Variants in QSOX1 observed in about 807,000 individuals in gnomAD.
The protein encoded by QSOX1 is sulfhydryl oxidase 1.
Under a neutral mutation model 76.1 loss-of-function variants are expected in QSOX1, and 40 were observed. The observed-to-expected ratio is 0.53, with a 90% CI of 0.41 to 0.68. QSOX1 has a LOEUF of 0.68. Ranked by LOEUF, QSOX1 falls within the 30% of genes least tolerant of loss-of-function variation. The pLI, the probability that QSOX1 is intolerant of heterozygous loss-of-function variation, is 0.00. For synonymous variants in QSOX1, 392 were observed against 413.1 expected (o/e 0.95, Z 0.62); for missense variants, 931 against 974.3 (o/e 0.96, Z 0.59).
Position 180,189,089 on chromosome 1 carries a change from C to T in QSOX1, c.1018-463C>T, listed in dbSNP as rs540049113. Reference sequence around the variant, plus strand: ...CCCATGGAATCCAAATGAAAGGTCTCGTGCCCACCTAACCCAGCTGGCCAG... The same window carrying T: ...CCCATGGAATCCAAATGAAAGGTCTTGTGCCCACCTAACCCAGCTGGCCAG... On this transcript the variant is annotated intron_variant, in intron 8 of 11. Coordinates refer to ENST00000367602, the MANE Select transcript of QSOX1 (RefSeq NM_002826.5). Among the ~76,000 whole-genome samples, 83 of 152,334 alleles carry T rather than the reference C, an allele frequency of 5.4e-4. 1 individual carries two copies. The South Asian group carries it at 0.014, about 26-fold the overall frequency.
chr1:180,174,884 G>C (rs887469220), intron 2 of QSOX1, among the ~76,000 whole-genome samples: 1 of 151,950 alleles, frequency 6.6e-6, no homozygotes, highest in African/African-American at 2.4e-5. Context: ...AACAGGCTCG[G>C]CCAGGCGCCT....
At position 180,175,934 on chromosome 1, in the gene QSOX1, C is replaced by G; in HGVS notation, c.416C>G (p.Ala139Gly). The G allele has an allele frequency of 6.3e-7, 1 of 1,590,090 alleles. No homozygotes were observed. Among genetic ancestry groups the G allele is most frequent in the South Asian group, 1.1e-5 (1 of 87,392 alleles). Residue 139 changes from alanine to glycine, a missense_variant, in exon 4 of 12, where the codon GCT (alanine) becomes GGT (glycine). By Grantham distance (60) the Ala-to-Gly change is moderately conservative. Coordinates refer to ENST00000367602, the MANE Select transcript of QSOX1 (RefSeq NM_002826.5). The stretch of plus-strand genomic sequence containing the variant: ...TCACGCCTGTTTTCATTTACAGTGG[C>G]TGGTGCTGACGTGCAGACACTGCGG... ...KNGSGAVFPV[A>G]GADVQTLRER...
At position 180,154,882 on chromosome 1, in the gene QSOX1, G is replaced by A. The variant is rs1572034248; in HGVS notation, c.-26G>A. 7.2e-7 allele frequency: 1 copy of A among 1,388,648 alleles called. No homozygotes were observed. Among genetic ancestry groups the A allele is most frequent in the Non-Finnish European group, 9.3e-7 (1 of 1,078,432 alleles). The allele number at this position is 1,388,648 out of a possible 1,614,324, so 86.0% of individuals were successfully genotyped here. A position where few individuals can be genotyped will look rare whatever the true frequency, so the allele number is the denominator to read the frequency against. On this transcript the variant is annotated 5_prime_UTR_variant, in exon 1 of 12. The change creates a new upstream start codon in the 5' untranslated region. Transcript: ENST00000367602. ...GGGACCCGACTCATCCGGTGCTTGCGTGTGGTGGTGAGCGCAGCGCCGAGG... is the reference window on the plus strand; with the variant it reads ...GGGACCCGACTCATCCGGTGCTTGCATGTGGTGGTGAGCGCAGCGCCGAGG...
intron 10 of QSOX1, among the ~76,000 whole-genome samples, chr1:180,191,583 G>GC (rs1401136234): frequency 6.6e-6 from 1 of 152,270 alleles, no homozygotes; most frequent in Non-Finnish European, 1.5e-5. Context: ...ACAGGTCCCT[G>GC]CCCCCACAGG....
chr1:180,193,544 C>A (rs1663377447), intron 10 of QSOX1, among the ~76,000 whole-genome samples: 1 of 151,972 alleles, frequency 6.6e-6, no homozygotes, highest in African/African-American at 2.4e-5. Flanking sequence ...GAGGCAAGCA[C>A]CAGCAGCCCT....
At chr1:180,175,547 G>A (rs1662868358) in intron 3 of QSOX1, among the ~76,000 whole-genome samples, 181 bp downstream of exon 3, 1 of 152,216 alleles carries the variant, frequency 6.6e-6, no homozygotes, top group Admixed American at 6.5e-5. Context: ...TTTAGGGAAA[G>A]GCAGGATGAA....
chr1:180,178,760 T>A, intron 4 of QSOX1, 34 bp from the exon 5 acceptor site: 1 of 1,586,030 alleles, frequency 6.3e-7, no homozygotes, highest in Non-Finnish European at 8.7e-7. Context: ...TTCTGCTGGC[T>A]GTGCAGAGTG....
chr1:180,167,974 A>T (rs1374568638), intron 2 of QSOX1, among the ~76,000 whole-genome samples: 1 of 152,168 alleles, frequency 6.6e-6, no homozygotes, highest in Non-Finnish European at 1.5e-5. Context: ...TCACAGGCTG[A>T]TATTTTTCTC....
chr1:180,176,553 G>T lies in QSOX1; in HGVS notation c.515+520G>T, dbSNP rs369491413. 1.4e-4 allele frequency among the ~76,000 whole-genome samples: 21 copies of T among 152,328 alleles called. No individual in the cohort carries two copies. The East Asian group carries it at 3.7e-3, about 27-fold the overall frequency. On this transcript the variant is annotated intron_variant, in intron 4 of 11. Coordinates refer to ENST00000367602, the MANE Select transcript of QSOX1 (RefSeq NM_002826.5). ...GGCTCTCTGTATGGCAGAGCATCAG[G>T]TGCAGTGGCCGGTGCTCTGTATCTG...
chr1:180,200,984 C>T lies in QSOX1; in HGVS notation c.*3947C>T, dbSNP rs943184914. 1 of 151,998 alleles carries T rather than the reference C, an allele frequency of 6.6e-6. No individual in the cohort carries two copies. The highest frequency in any genetic ancestry group is 1.5e-5 in the Non-Finnish European group (1 of 68,030). The allele number at this position is 151,998 out of a possible 1,614,324, so 9.4% of individuals were successfully genotyped here. On this transcript the variant is annotated 3_prime_UTR_variant, in exon 12 of 12. Transcript: ENST00000367602. Reference sequence around the variant, plus strand: ...AGGAATCCGCCTTTTCTAGAGCTCTCGCTCCATTCCCTACATCGAGGCTGA... The same window carrying T: ...AGGAATCCGCCTTTTCTAGAGCTCTTGCTCCATTCCCTACATCGAGGCTGA...
chr1:180,191,353 G>A (rs1318615116), intron 10 of QSOX1, among the ~76,000 whole-genome samples: 2 of 152,230 alleles, frequency 1.3e-5, no homozygotes, highest in African/African-American at 2.4e-5. Flanking sequence ...CAGGCTCGAC[G>A]CCATTGGGAA....
chr1:180,164,661 C>T (rs1662570818), intron 1 of QSOX1, among the ~76,000 whole-genome samples: 1 of 152,198 alleles, frequency 6.6e-6, no homozygotes, highest in African/African-American at 2.4e-5. Flanking sequence ...AACACTCCTT[C>T]CCCAGGCGTA....
chr1:180,198,449 A>T lies in QSOX1; in HGVS notation c.*1412A>T. On this transcript the variant is annotated 3_prime_UTR_variant, in exon 12 of 12. Transcript: ENST00000367602. Reference sequence around the variant, plus strand: ...ATCCGGCCTGCTGGGTTTTACAAGGATCAGAGCTGCTGATAATGAACCTCA... The same window carrying T: ...ATCCGGCCTGCTGGGTTTTACAAGGTTCAGAGCTGCTGATAATGAACCTCA... 1 of 451,844 alleles carries T rather than the reference A, an allele frequency of 2.2e-6. No homozygotes were observed. The highest frequency in any genetic ancestry group is 1.6e-5 in the South Asian group (1 of 64,508). 28.0% of individuals were successfully genotyped at this position (451,844 alleles called of 1,614,324 possible).
At chr1:180,191,512 A>T (rs1449456286) in intron 10 of QSOX1, among the ~76,000 whole-genome samples, 1 of 152,226 alleles carries the variant, frequency 6.6e-6, no homozygotes, top group African/African-American at 2.4e-5. Context: ...GCCAGTGTGT[A>T]TGGAGCATCT....
chr1:180,166,548 C>T lies in QSOX1; in HGVS notation c.323C>T (p.Ala108Val), dbSNP rs772042431. 29 of 1,614,152 alleles carry T rather than the reference C, an allele frequency of 1.8e-5. No individual in the cohort carries two copies. Among genetic ancestry groups the T allele is most frequent in the Non-Finnish European group, 2.4e-5 (28 of 1,180,034 alleles). The change falls in exon 2 of 12, where the codon GCA becomes GTA. Residue 108 changes from alanine to valine, a missense_variant. By Grantham distance (64) the Ala-to-Val change is moderately conservative. Coordinates refer to ENST00000367602, the MANE Select transcript of QSOX1 (RefSeq NM_002826.5). ...ALDCAEETNS[A>V]VCRDFNIPGF... ...GACTGTGCTGAGGAGACCAACAGTG[C>T]AGTCTGCAGAGACTTCAACATCCCT...
intron 2 of QSOX1, among the ~76,000 whole-genome samples, chr1:180,174,671 G>C (rs1178228583): frequency 2.6e-5 from 4 of 152,170 alleles, no homozygotes; most frequent in African/African-American, 9.7e-5. Context: ...TCATCCATTC[G>C]ATAAATATTG....
chr1:180,172,791 TTACCGGCATGAGCCACTG>T (rs1662794370), intron 2 of QSOX1, among the ~76,000 whole-genome samples: 1 of 152,230 alleles, frequency 6.6e-6, no homozygotes. Flanking sequence ...AGTGCTGGGA[TTACCGGCATGAGCCACTG>T]CACCCGTCCT....
rs994357659 is a variant in QSOX1, at chr1:180,196,005, C to A, written c.1469-257C>A. On this transcript the variant is annotated intron_variant, in intron 11 of 11. Transcript: ENST00000367602. This position sits in a 1 kb window ranked among gnomAD's most constrained non-coding sequence, Gnocchi z 4.1. Reference sequence around the variant, plus strand: ...GGGAAATGACTGAGATGGCGCTCTTCACGCTTCCCTGGAAAACCACGGAGG... The same window carrying A: ...GGGAAATGACTGAGATGGCGCTCTTAACGCTTCCCTGGAAAACCACGGAGG... Among the ~76,000 whole-genome samples, 46 of 152,194 alleles carry A rather than the reference C, an allele frequency of 3.0e-4. 1 individual carries two copies. Among genetic ancestry groups the A allele is most frequent in the Non-Finnish European group, 1.6e-4 (11 of 68,036 alleles).
chr1:180,155,082 A>C lies in QSOX1; in HGVS notation c.175A>C (p.Ser59Arg), dbSNP rs570322502. The change falls in exon 1 of 12, where the codon AGC becomes CGC. Residue 59 changes from serine to arginine, a missense_variant. Transcript: ENST00000367602. ...TVRGAVLGSRSAWAVEFFASW... is the reference protein window; with the variant it reads ...TVRGAVLGSRRAWAVEFFASW... ...GCGCGGCGCGGTGCTGGGCTCCCGC[A>C]GCGCCTGGGCCGTGGAGTTCTTCGC... 1 of 1,520,468 alleles carries C rather than the reference A, an allele frequency of 6.6e-7. No individual in the cohort carries two copies. Among genetic ancestry groups the C allele is most frequent in the Non-Finnish European group, 8.8e-7 (1 of 1,140,166 alleles). 94.2% of individuals were successfully genotyped at this position (1,520,468 alleles called of 1,614,324 possible).
Sources: allele counts gnomAD v4.1 joint callset (sites outside exome capture counted in the v4.1 genomes callset), GRCh38; gene constraint gnomAD v4.1.1; non-coding constraint Gnocchi (gnomAD v3.1); transcripts MANE v1.5; gene names NCBI Gene and HGNC (gene_info 2026-07-23, HGNC 2026-07-21).